PRKAG2: variants seen among roughly 807,000 people sequenced by gnomAD.
PRKAG2 encodes the protein 5'-AMP-activated protein kinase subunit gamma-2.
A neutral mutation model predicts 69.6 loss-of-function variants in PRKAG2; 26 were observed. The ratio of observed to expected loss-of-function variants is 0.37; its 90% confidence interval spans 0.27 to 0.52. PRKAG2 has a LOEUF of 0.52. Ranked by LOEUF, PRKAG2 falls within the 20% of genes least tolerant of loss-of-function variation. The pLI is 0.90. For synonymous variants in PRKAG2, 293 were observed against 285.0 expected, an observed-to-expected ratio of 1.03 and a Z score of -0.28; for missense variants, 557 against 740.0, an observed-to-expected ratio of 0.75 and a Z score of 2.87.
chr7:151,650,725 T>C (rs1365651607), intron 4 of PRKAG2, among the ~76,000 whole-genome samples: 1 of 152,200 alleles, frequency 6.6e-6, no homozygotes, highest in Non-Finnish European at 1.5e-5. Context: ...AACAAGGCAG[T>C]GGCAAACTGT....
chr7:151,813,810 A>G (rs2078547968), intron 1 of PRKAG2, among the ~76,000 whole-genome samples: 1 of 152,176 alleles, frequency 6.6e-6, no homozygotes, highest in Admixed American at 6.5e-5. Flanking sequence ...GCAAGCAAGT[A>G]AGCGTTGGGC....
chr7:151,657,734 GC>G (rs1417273131), intron 4 of PRKAG2, among the ~76,000 whole-genome samples: 1 of 152,314 alleles, frequency 6.6e-6, no homozygotes, highest in East Asian at 1.9e-4. Flanking sequence ...TAGACACCAG[GC>G]AGAAGAGACT....
At chr7:151,783,539 G>A (rs2076839431) in intron 2 of PRKAG2, among the ~76,000 whole-genome samples, 2 of 151,540 alleles carry the variant, frequency 1.3e-5, no homozygotes, top group African/African-American at 4.9e-5. Flanking sequence ...AAAGCATTTA[G>A]ATTCTCTGTT....
intron 4 of PRKAG2, among the ~76,000 whole-genome samples, chr7:151,639,942 C>A (rs760636668): frequency 6.6e-6 from 1 of 152,124 alleles, no homozygotes; most frequent in African/African-American, 2.4e-5. Context: ...TACCTCCATC[C>A]GTTTCTATCA....
chr7:151,861,456 A>T (rs2079919889), intron 1 of PRKAG2, among the ~76,000 whole-genome samples: 1 of 134,414 alleles, frequency 7.4e-6, no homozygotes, highest in Non-Finnish European at 1.5e-5. Flanking sequence ...TGAACCCGGG[A>T]GGCTGAGGTT....
intron 3 of PRKAG2, among the ~76,000 whole-genome samples, chr7:151,778,251 G>C (rs1403464215): frequency 3.3e-5 from 5 of 152,112 alleles, no homozygotes; most frequent in Non-Finnish European, 5.9e-5. Context: ...ACTGATTTGA[G>C]TGATAGCTCC....
At chr7:151,775,095 C>G (rs2076273895) in intron 3 of PRKAG2, among the ~76,000 whole-genome samples, 1 of 152,218 alleles carries the variant, frequency 6.6e-6, no homozygotes, top group East Asian at 1.9e-4. Context: ...TGTATGTAGG[C>G]TCGTTGGGCC....
chr7:151,813,411 C>T (rs2078523397), intron 1 of PRKAG2, among the ~76,000 whole-genome samples: 1 of 151,488 alleles, frequency 6.6e-6, no homozygotes, highest in Non-Finnish European at 1.5e-5. Context: ...CAGGTCACTC[C>T]TAATCACCAG....
intron 4 of PRKAG2, among the ~76,000 whole-genome samples, chr7:151,657,386 T>A (rs1829592881): frequency 6.6e-6 from 1 of 152,158 alleles, no homozygotes; most frequent in African/African-American, 2.4e-5. Context: ...TCTCTAAGCC[T>A]CGTGCCAATG....
At chr7:151,856,881 G>A (rs546993704) in intron 1 of PRKAG2, among the ~76,000 whole-genome samples, 1 of 152,264 alleles carries the variant, frequency 6.6e-6, no homozygotes, top group East Asian at 1.9e-4. Flanking sequence ...ATACAGGACA[G>A]CAGGCAGAAG....
At chr7:151,837,180 G>A (rs2079166115) in intron 1 of PRKAG2, 1 of 152,300 alleles carries the variant, frequency 6.6e-6, no homozygotes, top group African/African-American at 2.4e-5. Flanking sequence ...CCAGGGCAGA[G>A]TGCCCTTCGG....
chr7:151,853,631 G>A (rs1157379426), intron 1 of PRKAG2, among the ~76,000 whole-genome samples: 1 of 151,950 alleles, frequency 6.6e-6, no homozygotes, highest in South Asian at 2.1e-4. Flanking sequence ...GTGGTGGCGG[G>A]TGCCTGTAGT....
intron 3 of PRKAG2, among the ~76,000 whole-genome samples, chr7:151,734,850 T>C (rs1367023024): frequency 1.1e-5 from 1 of 91,734 alleles, no homozygotes; most frequent in Non-Finnish European, 2.2e-5. Context: ...ATCTGATTCT[T>C]TTTTTTTTTT....
intron 1 of PRKAG2, among the ~76,000 whole-genome samples, chr7:151,818,042 CAA>C (rs1026511288): frequency 6.6e-6 from 1 of 152,128 alleles, no homozygotes; most frequent in Non-Finnish European, 1.5e-5. Context: ...CTGAAATAAA[CAA>C]AGTCTGCAGC....
intron 1 of PRKAG2, among the ~76,000 whole-genome samples, chr7:151,826,219 C>T (rs1194133925): frequency 1.3e-5 from 2 of 151,658 alleles, no homozygotes; most frequent in African/African-American, 2.4e-5. Flanking sequence ...CTTGCTCTGT[C>T]GCCTAGGCTG....
intron 1 of PRKAG2, among the ~76,000 whole-genome samples, chr7:151,862,644 G>A (rs1164456313): frequency 6.6e-6 from 1 of 152,206 alleles, no homozygotes; most frequent in Admixed American, 6.5e-5. Flanking sequence ...AGGAGCTTAT[G>A]GTTTAATTAA....
intron 3 of PRKAG2, among the ~76,000 whole-genome samples, chr7:151,702,310 A>G (rs1837849481): frequency 6.6e-6 from 1 of 152,174 alleles, no homozygotes; most frequent in Admixed American, 6.5e-5. Context: ...AAGAGAGAGG[A>G]GGCCTCATCA....
chr7:151,707,356 G>A (rs1409483746), intron 3 of PRKAG2, among the ~76,000 whole-genome samples: 1 of 152,162 alleles, frequency 6.6e-6, no homozygotes, highest in East Asian at 1.9e-4. Flanking sequence ...GGGTAGCTGA[G>A]GTGTGGCTGC....
chr7:151,619,084 G>A (rs1422865931), intron 5 of PRKAG2, among the ~76,000 whole-genome samples: 3 of 152,190 alleles, frequency 2.0e-5, no homozygotes, highest in African/African-American at 4.8e-5. Context: ...AGTTGCAATC[G>A]ATGCCTAAGG....
Sources: gnomAD v4.1 joint callset for allele counts (sites outside exome capture counted in the v4.1 genomes callset) on GRCh38, gnomAD v4.1.1 for gene constraint, MANE v1.5 for transcripts, NCBI Gene and HGNC (gene_info 2026-07-23, HGNC 2026-07-21) for gene names.